The following KLF8 variants were observed in gnomAD, a reference collection of about 807,000 sequenced individuals.
KLF8 encodes the protein KLF transcription factor 8, also known as Krueppel-like factor 8.
KLF8 carries 10 observed loss-of-function variants against 18.2 expected under a neutral mutation model. That is an observed-to-expected ratio of 0.55 (90% CI 0.34 to 0.93). KLF8 has a LOEUF of 0.93. Among genes scored for constraint, KLF8 ranks in the 40% least tolerant of loss-of-function variants. KLF8 has a pLI of 0.02. For synonymous variants in KLF8, 109 were observed against 97.3 expected, an observed-to-expected ratio of 1.12 and a Z score of -0.71; for missense variants, 264 against 277.9, an observed-to-expected ratio of 0.95 and a Z score of 0.36.
the KLF8 span, among the ~76,000 whole-genome samples, chrX:55,973,697 G>A: frequency 0.013 from 1,437 of 111,767 alleles, 20 homozygotes; most frequent in African/African-American, 0.045. Flanking sequence ...AATAACAAAA[G>A]TTTATTAGAT....
At chrX:55,961,307 A>T in the KLF8 span, 5 of 404,335 alleles carry the variant, frequency 1.2e-5, no homozygotes, top group Non-Finnish European at 2.4e-5. Context: ...TGGTGGACCT[A>T]TGTGGAGATG....
At chrX:55,961,672 A>G in the KLF8 span, 1 of 406,087 alleles carries the variant, frequency 2.5e-6, no homozygotes. Context: ...GGATGTCCAA[A>G]CCATCCTGGG....
chrX:56,027,436 A>G, the KLF8 span, among the ~76,000 whole-genome samples: 1 of 112,072 alleles, frequency 8.9e-6, no homozygotes, highest in Non-Finnish European at 1.9e-5. Context: ...TTTCCCCCAG[A>G]ATTTAACAGG....
At chrX:56,089,833 C>T in the KLF8 span, among the ~76,000 whole-genome samples, 58 of 112,408 alleles carry the variant, frequency 5.2e-4, no homozygotes, top group South Asian at 0.017. Context: ...GTTTTACTTC[C>T]GTGAACACAA....
the KLF8 span, among the ~76,000 whole-genome samples, chrX:56,125,704 G>C: frequency 1.8e-5 from 2 of 112,298 alleles, no homozygotes; most frequent in East Asian, 5.6e-4. Flanking sequence ...GAAATATACT[G>C]TAACAGGGAT....
chrX:56,066,418 G>A, the KLF8 span, among the ~76,000 whole-genome samples: 2 of 112,223 alleles, frequency 1.8e-5, no homozygotes, highest in Non-Finnish European at 3.8e-5. Flanking sequence ...CAGGGGCCTG[G>A]ATATGTGCAG....
At chrX:56,204,287 C>A in the KLF8 span, among the ~76,000 whole-genome samples, 112 of 111,324 alleles carry the variant, frequency 1.0e-3, no homozygotes, top group African/African-American at 3.7e-3. Context: ...TGCAAATTTA[C>A]TGAATTTGTT....
At chrX:56,132,694 C>T in the KLF8 span, among the ~76,000 whole-genome samples, 2 of 109,939 alleles carry the variant, frequency 1.8e-5, no homozygotes, top group African/African-American at 3.3e-5. Flanking sequence ...GAAATTGAAA[C>T]AAAAAAATAC....
the KLF8 span, among the ~76,000 whole-genome samples, chrX:56,030,197 A>T: frequency 2.6e-4 from 29 of 110,800 alleles, no homozygotes; most frequent in South Asian, 0.011. Context: ...TTTTTTTCAG[A>T]CCTTCAATTA....
chrX:55,941,988 A>G, the KLF8 span, among the ~76,000 whole-genome samples: 3 of 111,383 alleles, frequency 2.7e-5, no homozygotes, highest in Admixed American at 1.9e-4. Flanking sequence ...AACTAGAAAT[A>G]CCATTTGACC....
the KLF8 span, among the ~76,000 whole-genome samples, chrX:56,049,967 G>A: frequency 4.5e-5 from 5 of 110,846 alleles, no homozygotes; most frequent in African/African-American, 1.6e-4. Flanking sequence ...TCTATTCAGA[G>A]ATTCAACTTC....
chrX:56,121,339 G>A, the KLF8 span, among the ~76,000 whole-genome samples: 1 of 111,580 alleles, frequency 9.0e-6, no homozygotes, highest in Non-Finnish European at 1.9e-5. Context: ...GGAAGAGGTT[G>A]GAGAAAGAAT....
the KLF8 span, among the ~76,000 whole-genome samples, chrX:56,093,418 T>C: frequency 9.0e-6 from 1 of 111,107 alleles, no homozygotes; most frequent in Non-Finnish European, 1.9e-5. Context: ...TATAAAGTGT[T>C]GAAGGAAGTT....
At chrX:56,045,194 A>G in the KLF8 span, among the ~76,000 whole-genome samples, 3 of 111,558 alleles carry the variant, frequency 2.7e-5, no homozygotes, top group African/African-American at 9.8e-5. Flanking sequence ...TTTGTCAAAG[A>G]TCAGTTGGCT....
chrX:56,028,335 C>T, the KLF8 span, among the ~76,000 whole-genome samples: 3 of 111,880 alleles, frequency 2.7e-5, no homozygotes, highest in Non-Finnish European at 5.6e-5. Context: ...CTGCAAAACC[C>T]ACAGCTCCTA....
At chrX:55,908,638 C>T in the KLF8 span, 13 of 286,320 alleles carry the variant, frequency 4.5e-5, no homozygotes, top group Admixed American at 1.3e-4. Context: ...GACTGTACAC[C>T]GGCCCTAGTC....
At chrX:56,217,156 A>G in the KLF8 span, among the ~76,000 whole-genome samples, 1 of 111,905 alleles carries the variant, frequency 8.9e-6, no homozygotes, top group Non-Finnish European at 1.9e-5. Context: ...GCCTACTTGG[A>G]GAGCATAACT....
At chrX:56,022,412 G>A in the KLF8 span, among the ~76,000 whole-genome samples, 1 of 107,917 alleles carries the variant, frequency 9.3e-6, no homozygotes, top group Non-Finnish European at 1.9e-5. Context: ...TGGGCATGGT[G>A]GTGGCGGGTG....
chrX:55,962,746 A>T, the KLF8 span, among the ~76,000 whole-genome samples: 3 of 112,599 alleles, frequency 2.7e-5, no homozygotes, highest in Admixed American at 2.8e-4. Flanking sequence ...CTTTTCTCAA[A>T]GAGTTTATAC....
Sources: allele counts gnomAD v4.1 joint callset (sites outside exome capture counted in the v4.1 genomes callset), GRCh38; gene constraint gnomAD v4.1.1; transcripts MANE v1.5; gene names NCBI Gene and HGNC (gene_info 2026-07-23, HGNC 2026-07-21).